Variants in POU6F2 observed in about 807,000 individuals in gnomAD.
The protein encoded by POU6F2 is POU domain, class 6, transcription factor 2.
A neutral mutation model predicts 71.3 loss-of-function variants in POU6F2; 31 were observed. That is an observed-to-expected ratio of 0.43 (90% CI 0.33 to 0.59). POU6F2 has a LOEUF of 0.59. Ranked by LOEUF, POU6F2 falls within the 20% of genes least tolerant of loss-of-function variation. The pLI, the probability that POU6F2 is intolerant of heterozygous loss-of-function variation, is 0.04. For missense variants in POU6F2, 783 were observed against 856.8 expected (o/e 0.91, Z 1.07); for synonymous variants, 347 against 355.7 (o/e 0.98, Z 0.27).
chr7:39,131,480 A>C (rs867926512), intron 2 of POU6F2, among the ~76,000 whole-genome samples: 4 of 152,168 alleles, frequency 2.6e-5, no homozygotes, highest in African/African-American at 9.7e-5. Context: ...CGCTGCCATC[A>C]AGGGAGTGTT....
At chr7:39,027,122 C>G (rs1176934536) in intron 1 of POU6F2, among the ~76,000 whole-genome samples, 1 of 152,106 alleles carries the variant, frequency 6.6e-6, no homozygotes, top group Non-Finnish European at 1.5e-5. Flanking sequence ...GCCCAGAAAA[C>G]AATATAAGTA....
intron 2 of POU6F2, among the ~76,000 whole-genome samples, chr7:39,134,059 A>C (rs1247137929): frequency 6.6e-6 from 1 of 151,908 alleles, no homozygotes; most frequent in Non-Finnish European, 1.5e-5. Context: ...TTTTTTGTAG[A>C]GATAGAGTTT....
chr7:39,404,144 T>C (rs1388534824), intron 5 of POU6F2, among the ~76,000 whole-genome samples: 2 of 152,234 alleles, frequency 1.3e-5, no homozygotes, highest in African/African-American at 4.8e-5. Flanking sequence ...GCCAAACCTA[T>C]ATATTTGTGG....
chr7:39,358,545 T>G (rs921763773), intron 5 of POU6F2, among the ~76,000 whole-genome samples: 1 of 152,222 alleles, frequency 6.6e-6, no homozygotes, highest in Non-Finnish European at 1.5e-5. Context: ...CAGCCAGTGA[T>G]TCTGATGATC....
At chr7:39,287,875 C>T (rs1285544721) in intron 4 of POU6F2, among the ~76,000 whole-genome samples, 2 of 116,080 alleles carry the variant, frequency 1.7e-5, no homozygotes, top group African/African-American at 2.7e-5. Context: ...TGACGGTATA[C>T]GCAGCACCCA....
intron 1 of POU6F2, among the ~76,000 whole-genome samples, chr7:39,021,510 G>A (rs930519287): frequency 6.6e-6 from 1 of 151,820 alleles, no homozygotes; most frequent in African/African-American, 2.4e-5. Flanking sequence ...GTTCCATAAT[G>A]TATTAAAAAA....
chr7:39,129,229 G>A (rs1436969068), intron 2 of POU6F2, among the ~76,000 whole-genome samples: 1 of 152,098 alleles, frequency 6.6e-6, no homozygotes, highest in African/African-American at 2.4e-5. Flanking sequence ...GAATCTCAAG[G>A]TTAGCAACTC....
intron 7 of POU6F2, among the ~76,000 whole-genome samples, chr7:39,434,836 A>G (rs567172461): frequency 6.6e-6 from 1 of 152,086 alleles, no homozygotes; most frequent in Non-Finnish European, 1.5e-5. Context: ...CTCTGTGTCC[A>G]TCTGTTCTCA....
rs528381842 is a variant in POU6F2 at position 39,261,211 on chromosome 7, C to T, written c.598+53591C>T. On this transcript the variant is annotated intron_variant, in intron 4 of 9. Transcript: ENST00000518318. ...CACAACTGCCAGGGCTCAGCCAGGC[C>T]ACCTCTCCTGCTCCTGCAGGAACCT... Among the ~76,000 whole-genome samples, 6 of 152,232 alleles carry T rather than the reference C, an allele frequency of 3.9e-5. No individual in the cohort carries two copies. The East Asian group carries it at 5.8e-4, about 15-fold the overall frequency.
chr7:39,257,016 A>G (rs1168142234), intron 4 of POU6F2, among the ~76,000 whole-genome samples: 5 of 152,224 alleles, frequency 3.3e-5, no homozygotes. Context: ...ATTATTAACT[A>G]CATAGCACAT....
rs144183792 is a variant in POU6F2, at chr7:38,989,827, T to TTGTG, written c.105+11786_105+11789dup. Among the ~76,000 whole-genome samples, 85 of 130,320 alleles carry TTGTG rather than the reference T, an allele frequency of 6.5e-4. No individual in the cohort carries two copies. In the South Asian group the frequency reaches 7.3e-3, roughly 11 times the overall value. 85.5% of individuals were successfully genotyped at this position (130,320 alleles called of 152,430 possible). ...TGTGTGTGTGTGTGTGTGTGTGTGT[T>TTGTG]TGTGTGTGTGTGTGTGTGTGGAAAA... On this transcript the variant is annotated intron_variant, in intron 1 of 9. Coordinates refer to ENST00000518318, the MANE Select transcript of POU6F2 (RefSeq NM_001370959.1).
chr7:39,038,735 A>G (rs779235607), intron 1 of POU6F2, among the ~76,000 whole-genome samples: 22 of 152,002 alleles, frequency 1.4e-4, no homozygotes, highest in Non-Finnish European at 3.2e-4. Flanking sequence ...TCTTGCTGAT[A>G]TCTTAATTAA....
chr7:39,249,039 C>T lies in POU6F2; in HGVS notation c.598+41419C>T, dbSNP rs550113123. Among the ~76,000 whole-genome samples the T allele has an allele frequency of 7.9e-5, 12 of 152,334 alleles. No individual in the cohort carries two copies. In the East Asian group the frequency reaches 1.7e-3, roughly 22 times the overall value. On this transcript the variant is annotated intron_variant, in intron 4 of 9. Transcript: ENST00000518318. ...TAGCCCATGAATTTTTTCTTTCTAC[C>T]TGGTATATATTTGTTCCCCATGCAG... is the stretch of plus-strand genomic sequence containing the variant.
chr7:39,450,891 G>T (rs1051764563), intron 7 of POU6F2, among the ~76,000 whole-genome samples: 1 of 152,090 alleles, frequency 6.6e-6, no homozygotes. Flanking sequence ...TACAGTGGCC[G>T]GCCCAGAGTA....
chr7:39,297,623 G>C (rs1483418478), intron 4 of POU6F2, among the ~76,000 whole-genome samples: 1 of 145,898 alleles, frequency 6.9e-6, no homozygotes, highest in African/African-American at 2.8e-5. Context: ...TGTCTTGATG[G>C]ATATTTCTAC....
At chr7:39,158,763 A>T (rs1378111304) in intron 2 of POU6F2, among the ~76,000 whole-genome samples, 1 of 152,170 alleles carries the variant, frequency 6.6e-6, no homozygotes, top group East Asian at 1.9e-4. Context: ...TTCCTTACTC[A>T]GTTCGCTGAT....
intron 4 of POU6F2, among the ~76,000 whole-genome samples, chr7:39,236,302 C>A (rs954072981): frequency 6.6e-6 from 1 of 152,128 alleles, no homozygotes; most frequent in Non-Finnish European, 1.5e-5. Context: ...TATAACTAAG[C>A]GCCTCTAAAA....
rs1009176353 is a variant in POU6F2, at chr7:39,467,149, G to A, written c.*2463G>A. ...AAAGAAATATATTCATCCGACAGTC[G>A]TAACACCATTCATGTGCAGTGATTT... On this transcript the variant is annotated 3_prime_UTR_variant, in exon 10 of 10. Transcript: ENST00000518318. 26 of 152,114 alleles carry A rather than the reference G, an allele frequency of 1.7e-4. No individual in the cohort carries two copies. The highest frequency in any genetic ancestry group is 5.3e-4 in the African/African-American group (22 of 41,416). The allele number at this position is 152,114 out of a possible 1,614,324, so 9.4% of individuals were successfully genotyped here.
intron 4 of POU6F2, among the ~76,000 whole-genome samples, chr7:39,225,808 G>T (rs1305007379): frequency 1.3e-5 from 2 of 152,088 alleles, no homozygotes; most frequent in Admixed American, 6.5e-5. Context: ...ACTTTATGCA[G>T]GTATAAAATG....
Sources: gnomAD v4.1 joint callset for allele counts (sites outside exome capture counted in the v4.1 genomes callset) on GRCh38, gnomAD v4.1.1 for gene constraint, MANE v1.5 for transcripts, NCBI Gene and HGNC (gene_info 2026-07-23, HGNC 2026-07-21) for gene names.